The following TMPRSS11A variants were observed in gnomAD, a reference collection of about 807,000 sequenced individuals.
The protein encoded by TMPRSS11A is transmembrane protease serine 11A.
TMPRSS11A carries 53 observed loss-of-function variants against 58.9 expected under a neutral mutation model. The ratio of observed to expected loss-of-function variants is 0.90; its 90% CI spans 0.72 to 1.13. TMPRSS11A has a LOEUF of 1.13. Among genes scored for constraint, TMPRSS11A ranks in the 50% most tolerant of loss-of-function variants. The probability of loss-of-function intolerance (pLI) is 0.00; values close to 1 mark genes in which losing one functional copy is unlikely to be tolerated. For missense variants in TMPRSS11A, 493 were observed against 499.3 expected, an observed-to-expected ratio of 0.99 and a Z score of 0.12; for synonymous variants, 167 against 169.8, an observed-to-expected ratio of 0.98 and a Z score of 0.13.
intron 3 of TMPRSS11A, among the ~76,000 whole-genome samples, chr4:67,942,245 G>T (rs796574781): frequency 4.6e-5 from 7 of 152,316 alleles, no homozygotes; most frequent in African/African-American, 1.4e-4. Flanking sequence ...CTGAATGTTT[G>T]TGTTCCCCTG....
In TMPRSS11A at chr4:67,938,286, C is replaced by T. The variant is rs190008232; in HGVS notation, c.253-6226G>A. Among the ~76,000 whole-genome samples the T allele has an allele frequency of 8.4e-4, 128 of 152,172 alleles. 2 individuals carry two copies. The East Asian group carries it at 0.023, about 27-fold the overall frequency. On this transcript the variant is annotated intron_variant, in intron 3 of 9. Transcript: ENST00000508048. ...TTTTGCTTGTTGAGTTGTTTAAGTTCTTTACAGATTCTGGACATTAGACCT... is the reference window on the plus strand; with the variant it reads ...TTTTGCTTGTTGAGTTGTTTAAGTTTTTTACAGATTCTGGACATTAGACCT...
chr4:67,939,177 G>A (rs77194103), intron 3 of TMPRSS11A, among the ~76,000 whole-genome samples: 1 of 31,372 alleles, frequency 3.2e-5, no homozygotes, highest in Non-Finnish European at 7.1e-5. Flanking sequence ...TGTGTGTGTC[G>A]CTATTGAAAA....
intron 3 of TMPRSS11A, among the ~76,000 whole-genome samples, chr4:67,941,366 C>T (rs573386486): frequency 2.0e-5 from 3 of 152,246 alleles, no homozygotes; most frequent in South Asian, 2.1e-4. Context: ...GAGAAAAACA[C>T]CTGTCTCATT....
chr4:67,922,246 A>T (rs762312161), intron 7 of TMPRSS11A, among the ~76,000 whole-genome samples: 3 of 152,218 alleles, frequency 2.0e-5, no homozygotes, highest in Non-Finnish European at 2.9e-5. Flanking sequence ...AACTGTTCTG[A>T]TTCCACAGAT....
chr4:67,917,512 G>A (rs1245514885), intron 8 of TMPRSS11A, among the ~76,000 whole-genome samples: 1 of 152,134 alleles, frequency 6.6e-6, no homozygotes, highest in Non-Finnish European at 1.5e-5. Flanking sequence ...TTACAGACTT[G>A]AATATAGCCT....
Position 67,924,476 on chromosome 4 carries a change from C to A in TMPRSS11A, c.482-310G>T, listed in dbSNP as rs367916263. Among the ~76,000 whole-genome samples, 14 of 152,284 alleles carry A rather than the reference C, an allele frequency of 9.2e-5. No individual in the cohort carries two copies. In the East Asian group the frequency reaches 1.7e-3, roughly 19 times the overall value. On this transcript the variant is annotated intron_variant, in intron 5 of 9. Coordinates refer to ENST00000508048, the MANE Select transcript of TMPRSS11A (RefSeq NM_001114387.2). ...GGTTTTCCAGCAGTTCGGGGTAAAG[C>A]TTCTTTGCATTCCACTTCAGAAGAT...
intron 3 of TMPRSS11A, among the ~76,000 whole-genome samples, chr4:67,936,092 T>C (rs1472968864): frequency 6.6e-6 from 1 of 152,144 alleles, no homozygotes; most frequent in Non-Finnish European, 1.5e-5. Flanking sequence ...CAGGGCCATG[T>C]AGCTTCAGAG....
In TMPRSS11A at chr4:67,946,062, A is replaced by G. The variant is rs531030156; in HGVS notation, c.133+388T>C. On this transcript the variant is annotated intron_variant, in intron 2 of 9. Coordinates refer to ENST00000508048, the MANE Select transcript of TMPRSS11A (RefSeq NM_001114387.2). ...TGATGGTTCATGAGTAAAAGAGCCA[A>G]TTTTAATAACTAATTTATCATAACT... Among the ~76,000 whole-genome samples the G allele has an allele frequency of 6.4e-4, 97 of 152,246 alleles. 2 individuals carry two copies. The highest frequency in any genetic ancestry group is 1.6e-3 in the Admixed American group (25 of 15,294).
intron 3 of TMPRSS11A, among the ~76,000 whole-genome samples, chr4:67,935,839 T>G (rs948261069): frequency 1.1e-4 from 17 of 152,170 alleles, no homozygotes; most frequent in Non-Finnish European, 2.2e-4. Context: ...AGAGATTTTT[T>G]TTTCCTGTTT....
At chr4:67,931,040 T>C (rs1458999744) in intron 4 of TMPRSS11A, among the ~76,000 whole-genome samples, 1 of 152,068 alleles carries the variant, frequency 6.6e-6, no homozygotes, top group Admixed American at 6.6e-5. Context: ...CCAGGTATTA[T>C]ATAGTGATGG....
chr4:67,961,482 C>CTTTTT (rs1721418705), intron 1 of TMPRSS11A, among the ~76,000 whole-genome samples: 13 of 102,450 alleles, frequency 1.3e-4, no homozygotes, highest in African/African-American at 5.7e-4. Context: ...CTTTTCTTTT[C>CTTTTT]CTTTTTTTTT....
intron 2 of TMPRSS11A, 139 bp from the exon 3 acceptor site, chr4:67,944,776 A>G (rs1174841271): frequency 1.5e-6 from 1 of 663,106 alleles, no homozygotes; most frequent in Non-Finnish European, 2.5e-6. Flanking sequence ...ATAACAGTTA[A>G]TGTTTTATAT....
intron 7 of TMPRSS11A, among the ~76,000 whole-genome samples, chr4:67,922,458 T>C (rs1043375370): frequency 6.6e-6 from 1 of 152,244 alleles, no homozygotes; most frequent in African/African-American, 2.4e-5. Context: ...TAATGGTACA[T>C]GTTATTAGTG....
intron 5 of TMPRSS11A, among the ~76,000 whole-genome samples, chr4:67,926,722 TG>T: frequency 6.6e-6 from 1 of 152,280 alleles, no homozygotes; most frequent in African/African-American, 2.4e-5. Flanking sequence ...CCCCAGAGCC[TG>T]CCACCCTGGG....
rs117664968 is a variant in TMPRSS11A at position 67,911,941 on chromosome 4, A to G, written c.1096-438T>C. ...TTTATTTTCTCTTACGTAGTTAGGG[A>G]TTTAGTTGTTTTACAACTTCTTTGC... On this transcript the variant is annotated intron_variant, in intron 9 of 9. Transcript: ENST00000508048. Among the ~76,000 whole-genome samples, 17 of 152,188 alleles carry G rather than the reference A, an allele frequency of 1.1e-4. No homozygotes were observed. In the East Asian group the frequency reaches 3.1e-3, roughly 28 times the overall value.
chr4:67,938,759 T>C (rs1459253029), intron 3 of TMPRSS11A, among the ~76,000 whole-genome samples: 3 of 152,182 alleles, frequency 2.0e-5, no homozygotes, highest in Non-Finnish European at 2.9e-5. Flanking sequence ...TTCTGTTCTA[T>C]TGGTTTATAT....
intron 9 of TMPRSS11A, among the ~76,000 whole-genome samples, chr4:67,913,508 C>T (rs1720057430): frequency 6.6e-6 from 1 of 152,166 alleles, no homozygotes; most frequent in African/African-American, 2.4e-5. Context: ...TACCTCTGCT[C>T]CCCAATCCAG....
In TMPRSS11A at chr4:67,918,838, T is replaced by A. The variant is rs1577852283; in HGVS notation, c.952+135A>T. 15 of 1,025,152 alleles carry A rather than the reference T, an allele frequency of 1.5e-5. No individual in the cohort carries two copies. In the East Asian group the frequency reaches 3.6e-4, roughly 25 times the overall value. 63.5% of individuals were successfully genotyped at this position (1,025,152 alleles called of 1,614,324 possible). A position where few individuals can be genotyped will look rare whatever the true frequency, so the allele number is the denominator to read the frequency against. ...CACTGGTTAATGTGAATTGAATTTC[T>A]GTCACACAAAGTAAGAACCCTAACT... On this transcript the variant is annotated intron_variant, in intron 8 of 9. Transcript: ENST00000508048.
At chr4:67,957,174 G>A (rs773833685) in intron 1 of TMPRSS11A, among the ~76,000 whole-genome samples, 5 of 152,108 alleles carry the variant, frequency 3.3e-5, no homozygotes, top group African/African-American at 4.8e-5. Flanking sequence ...GTGTGAAAAC[G>A]GACTAATACA....
Sources: gnomAD v4.1 joint callset for allele counts (sites outside exome capture counted in the v4.1 genomes callset) on GRCh38, gnomAD v4.1.1 for gene constraint, MANE v1.5 for transcripts, NCBI Gene and HGNC (gene_info 2026-07-23, HGNC 2026-07-21) for gene names.